The following NCOA1 variants were observed in gnomAD, a reference collection of about 807,000 sequenced individuals.
The protein encoded by NCOA1 is nuclear receptor coactivator 1.
NCOA1 carries 35 observed loss-of-function variants against 150.9 expected under a neutral mutation model. That is an observed-to-expected ratio of 0.23 (90% CI 0.18 to 0.31). The LOEUF (loss-of-function observed/expected upper bound fraction) is 0.31, where lower values mean the gene tolerates loss of function less well. Ranked by LOEUF, NCOA1 falls within the 10% of genes least tolerant of loss-of-function variation. The probability of loss-of-function intolerance (pLI) is 1.00; values close to 1 mark genes in which losing one functional copy is unlikely to be tolerated. For missense variants in NCOA1, 1,491 were observed against 1,749.3 expected (o/e 0.85, Z 2.63); for synonymous variants, 590 against 630.0 (o/e 0.94, Z 0.95).
At chr2:24,528,173 T>TA (rs1448894526) in intron 1 of NCOA1, among the ~76,000 whole-genome samples, 2 of 152,082 alleles carry the variant, frequency 1.3e-5, no homozygotes, top group African/African-American at 4.8e-5. Flanking sequence ...TTTAGTTTGA[T>TA]ATATTTGTTT....
At chr2:24,559,624 C>T (rs182731045) in intron 1 of NCOA1, among the ~76,000 whole-genome samples, 1 of 152,256 alleles carries the variant, frequency 6.6e-6, no homozygotes, top group East Asian at 1.9e-4. Context: ...AGCATTCCTG[C>T]CTTCTCTTTC....
At chr2:24,643,388 CA>C (rs975656033) in intron 3 of NCOA1, among the ~76,000 whole-genome samples, 5 of 152,134 alleles carry the variant, frequency 3.3e-5, no homozygotes, top group African/African-American at 1.2e-4. Flanking sequence ...GGTCACTTTC[CA>C]ATTTCTTCAA....
At chr2:24,659,081 G>A (rs890000754) in intron 5 of NCOA1, 1 of 240,152 alleles carries the variant, frequency 4.2e-6, no homozygotes, top group African/African-American at 2.2e-5. Context: ...TGTCTCAGAT[G>A]TTTTTATAGC....
chr2:24,724,942 A>G (rs1340127057), intron 14 of NCOA1, among the ~76,000 whole-genome samples: 1 of 152,016 alleles, frequency 6.6e-6, no homozygotes, highest in African/African-American at 2.4e-5. Context: ...GTTTTTCAGA[A>G]TCCTACAGAA....
Position 24,741,882 on chromosome 2 carries a change from T to G in NCOA1, c.3402T>G (p.Leu1134=), listed in dbSNP as rs559077024. ...RQLIQQQRAM[L]MRQQSFGNNL... ...TAATACAGCAGCAAAGAGCCATGCT[T>G]ATGAGGCAGCAAAGCTTTGGGAACA... Residue 1134 remains leucine, a synonymous_variant, in exon 19 of 23, where the codon CTT becomes CTG. Coordinates refer to ENST00000348332, the MANE Select transcript of NCOA1 (RefSeq NM_003743.5). 6.2e-7 allele frequency: 1 copy of G among 1,614,204 alleles called. No homozygotes were observed. The highest frequency in any genetic ancestry group is 1.1e-5 in the South Asian group (1 of 91,084).
intron 1 of NCOA1, among the ~76,000 whole-genome samples, chr2:24,532,840 GT>G (rs1664954160): frequency 6.6e-6 from 1 of 152,180 alleles, no homozygotes; most frequent in South Asian, 2.1e-4. Context: ...TTACCATGCT[GT>G]TTTGGTTACT....
chr2:24,572,540 A>G (rs1049024167), intron 2 of NCOA1, among the ~76,000 whole-genome samples: 2 of 152,196 alleles, frequency 1.3e-5, no homozygotes, highest in Non-Finnish European at 2.9e-5. Flanking sequence ...GATTTCATTC[A>G]TATGAGAGAA....
intron 1 of NCOA1, among the ~76,000 whole-genome samples, chr2:24,500,950 CT>C (rs1425072170): frequency 6.6e-6 from 1 of 152,142 alleles, no homozygotes; most frequent in Non-Finnish European, 1.5e-5. Flanking sequence ...TATGTGTTAA[CT>C]TTAAGAGCTT....
chr2:24,634,708 A>ACCCCCCCCCCCCCCCCCC (rs530645429), intron 3 of NCOA1, among the ~76,000 whole-genome samples: 3 of 39,714 alleles, frequency 7.6e-5, no homozygotes, highest in African/African-American at 2.3e-4. Flanking sequence ...TAGGGGAGGA[A>ACCCCCCCCCCCCCCCCCC]CCCCCCCCCC....
intron 3 of NCOA1, among the ~76,000 whole-genome samples, chr2:24,589,630 G>GAT (rs1553433026): frequency 6.8e-6 from 1 of 147,450 alleles, no homozygotes; most frequent in African/African-American, 2.5e-5. Context: ...AGAGGTTGGT[G>GAT]GTGTGTGTGT....
At chr2:24,586,225 G>A (rs748575631) in intron 3 of NCOA1, among the ~76,000 whole-genome samples, 31 of 134,338 alleles carry the variant, frequency 2.3e-4, no homozygotes, top group African/African-American at 1.4e-4. Flanking sequence ...GCAAAGAGCC[G>A]ATATCGTGCC....
At chr2:24,759,355 G>A (rs2148693790) in intron 21 of NCOA1, among the ~76,000 whole-genome samples, 1 of 152,326 alleles carries the variant, frequency 6.6e-6, no homozygotes, top group Non-Finnish European at 1.5e-5. Flanking sequence ...TTCAAGATTG[G>A]TTATCACAGC....
chr2:24,519,538 G>A (rs909800145), intron 1 of NCOA1, among the ~76,000 whole-genome samples: 2 of 151,778 alleles, frequency 1.3e-5, no homozygotes, highest in Admixed American at 6.6e-5. Flanking sequence ...AAGAAAACAC[G>A]GTTGGGCATG....
chr2:24,752,762 T>C (rs1664314351), intron 20 of NCOA1, among the ~76,000 whole-genome samples: 1 of 152,250 alleles, frequency 6.6e-6, no homozygotes, highest in Admixed American at 6.5e-5. Context: ...CTTTTCTCGA[T>C]GTATTTAAAG....
chr2:24,561,388 G>A (rs1420444084), intron 1 of NCOA1, among the ~76,000 whole-genome samples: 1 of 152,078 alleles, frequency 6.6e-6, no homozygotes, highest in African/African-American at 2.4e-5. Context: ...TTGAAAGATA[G>A]GAAGATCTGA....
chr2:24,507,288 C>T (rs538491230), intron 1 of NCOA1, among the ~76,000 whole-genome samples: 1 of 152,244 alleles, frequency 6.6e-6, no homozygotes, highest in South Asian at 2.1e-4. Context: ...GTTACTTAAC[C>T]TCTTGGTGCC....
intron 1 of NCOA1, among the ~76,000 whole-genome samples, chr2:24,493,224 C>T (rs888556059): frequency 6.6e-6 from 1 of 152,168 alleles, no homozygotes; most frequent in Non-Finnish European, 1.5e-5. Flanking sequence ...TCTGTTTTAT[C>T]TCCTGTACTT....
chr2:24,499,040 G>A (rs941926989), intron 1 of NCOA1, among the ~76,000 whole-genome samples: 1 of 151,538 alleles, frequency 6.6e-6, no homozygotes, highest in African/African-American at 2.4e-5. Context: ...TTTTGATTAT[G>A]AATTATGCCT....
At chr2:24,555,032 G>A (rs909532771) in intron 1 of NCOA1, among the ~76,000 whole-genome samples, 5 of 152,002 alleles carry the variant, frequency 3.3e-5, no homozygotes, top group Admixed American at 6.5e-5. Flanking sequence ...CACACGAGGA[G>A]TTTAGGAGCG....
Sources: gnomAD v4.1 joint callset for allele counts (sites outside exome capture counted in the v4.1 genomes callset) on GRCh38, gnomAD v4.1.1 for gene constraint, MANE v1.5 for transcripts, NCBI Gene and HGNC (gene_info 2026-07-23, HGNC 2026-07-21) for gene names.